EBF2: variants seen among roughly 807,000 people sequenced by gnomAD.
The protein encoded by EBF2 is EBF transcription factor 2, also known as transcription factor COE2.
EBF2 carries 21 observed loss-of-function variants against 72.8 expected under a neutral mutation model. The ratio of observed to expected loss-of-function variants is 0.29; its 90% CI spans 0.20 to 0.42. EBF2 has a LOEUF of 0.42. EBF2 is among the 10% of genes least tolerant of loss of function. The pLI is 1.00. For synonymous variants in EBF2, 299 were observed against 274.2 expected, an observed-to-expected ratio of 1.09 and a Z score of -0.89; for missense variants, 637 against 731.2, an observed-to-expected ratio of 0.87 and a Z score of 1.49.
At chr8:26,035,654 GA>G (rs1210136623) in intron 5 of EBF2, among the ~76,000 whole-genome samples, 1 of 152,208 alleles carries the variant, frequency 6.6e-6, no homozygotes, top group African/African-American at 2.4e-5. Flanking sequence ...TGGGCACAAT[GA>G]GGTTTTAAGA....
chr8:25,963,477 A>C (rs1401384166), intron 6 of EBF2, among the ~76,000 whole-genome samples: 1 of 152,216 alleles, frequency 6.6e-6, no homozygotes, highest in African/African-American at 2.4e-5. Flanking sequence ...TTTTTGCAAC[A>C]AAGCCCCGGT....
intron 10 of EBF2, among the ~76,000 whole-genome samples, chr8:25,863,046 T>G (rs1159839577): frequency 6.9e-6 from 1 of 144,730 alleles, no homozygotes; most frequent in African/African-American, 2.6e-5. Context: ...ATACATAAAC[T>G]TCTCTGCTAT....
intron 6 of EBF2, among the ~76,000 whole-genome samples, chr8:26,012,913 T>C (rs527489953): frequency 6.6e-6 from 1 of 152,344 alleles, no homozygotes; most frequent in Non-Finnish European, 1.5e-5. Flanking sequence ...TACTAGGTGT[T>C]AGGCATTATT....
At chr8:26,003,337 A>G (rs938257231) in intron 6 of EBF2, among the ~76,000 whole-genome samples, 1 of 152,114 alleles carries the variant, frequency 6.6e-6, no homozygotes, top group Non-Finnish European at 1.5e-5. Flanking sequence ...CATCATTGCT[A>G]CTAGATTATT....
chr8:25,916,186 T>C (rs1803211178), intron 6 of EBF2, among the ~76,000 whole-genome samples: 1 of 150,440 alleles, frequency 6.6e-6, no homozygotes, highest in African/African-American at 2.5e-5. Flanking sequence ...CTTGGGAGGC[T>C]GAGACACGAG....
At chr8:26,016,765 C>A (rs1309632423) in intron 6 of EBF2, among the ~76,000 whole-genome samples, 2 of 152,090 alleles carry the variant, frequency 1.3e-5, no homozygotes, top group African/African-American at 4.8e-5. Flanking sequence ...CTCACTCTCT[C>A]TTTAAGGAAT....
chr8:25,988,410 G>A (rs1037098295), intron 6 of EBF2, among the ~76,000 whole-genome samples: 1 of 152,130 alleles, frequency 6.6e-6, no homozygotes, highest in Non-Finnish European at 1.5e-5. Flanking sequence ...GTCCATATAC[G>A]CAAATATGAA....
At chr8:25,851,629 G>A (rs1189471127) in intron 14 of EBF2, among the ~76,000 whole-genome samples, 1 of 152,042 alleles carries the variant, frequency 6.6e-6, no homozygotes. Flanking sequence ...CTTAAATATA[G>A]CACCTTATAG....
At chr8:25,935,313 G>A (rs1165422760) in intron 6 of EBF2, among the ~76,000 whole-genome samples, 1 of 152,160 alleles carries the variant, frequency 6.6e-6, no homozygotes, top group Non-Finnish European at 1.5e-5. Flanking sequence ...TTAAATAGTG[G>A]TTAAATCTTT....
At position 25,961,175 on chromosome 8, in the gene EBF2, G is replaced by C. The variant is rs551675954; in HGVS notation, c.552-52620C>G. 2.3e-3 allele frequency among the ~76,000 whole-genome samples: 346 copies of C among 152,208 alleles called. 3 individuals carry two copies. Among genetic ancestry groups the C allele is most frequent in the African/African-American group, 8.0e-3 (331 of 41,512 alleles). The stretch of plus-strand genomic sequence containing the variant: ...AAAAGACAGTGTGTGAAACAAGCTA[G>C]AATGATATAGTACATATCATTTATA... On this transcript the variant is annotated intron_variant, in intron 6 of 15. Coordinates refer to ENST00000520164, the MANE Select transcript of EBF2 (RefSeq NM_022659.4).
chr8:25,991,782 GT>G (rs770046621), intron 6 of EBF2, among the ~76,000 whole-genome samples: 10 of 152,020 alleles, frequency 6.6e-5, no homozygotes, highest in Non-Finnish European at 1.2e-4. Context: ...GGAGGCAGAG[GT>G]TGTAGTGAGC....
At chr8:25,967,649 A>T (rs1585210879) in intron 6 of EBF2, among the ~76,000 whole-genome samples, 1 of 152,208 alleles carries the variant, frequency 6.6e-6, no homozygotes, top group East Asian at 1.9e-4. Flanking sequence ...AAATCAAAAG[A>T]TCATAAATCT....
chr8:26,005,553 T>TA (rs1381800595), intron 6 of EBF2, among the ~76,000 whole-genome samples: 1 of 25,166 alleles, frequency 4.0e-5, no homozygotes, highest in East Asian at 9.1e-4. Flanking sequence ...TATATATATA[T>TA]ATATATATAG....
rs1805587942 is a variant in EBF2, at chr8:26,040,864, C to CATGG, written c.352+71_352+74dup. The CATGG allele has an allele frequency of 1.9e-6, 3 of 1,596,884 alleles. No individual in the cohort carries two copies. In the Admixed American group the frequency reaches 5.1e-5, roughly 27 times the overall value. ...GCTCCATGCGATCCCTGAGAGTGAT[C>CATGG]ATGGCAAGGTCAGCGCGTGCGGCCC... On this transcript the variant is annotated intron_variant, in intron 3 of 15. Coordinates refer to ENST00000520164, the MANE Select transcript of EBF2 (RefSeq NM_022659.4).
At chr8:25,955,688 G>A (rs1401139152) in intron 6 of EBF2, among the ~76,000 whole-genome samples, 2 of 152,178 alleles carry the variant, frequency 1.3e-5, no homozygotes, top group Non-Finnish European at 2.9e-5. Context: ...GGAGTCATAT[G>A]TTTATGCTCC....
In EBF2 at chr8:25,895,923, ATGTGTG is replaced by A. The variant is rs71868613; in HGVS notation, c.634-6060_634-6055del. 3.6e-3 allele frequency among the ~76,000 whole-genome samples: 532 copies of A among 149,482 alleles called. 4 individuals carry two copies. Among genetic ancestry groups the A allele is most frequent in the African/African-American group, 0.011 (432 of 40,910 alleles). Reference sequence around the variant, plus strand: ...TGGCTTTTTGGAACACCGTGTGTGTATGTGTGTGTGTGTGTGTGTGTGTGTGTGTGT... The same window carrying A: ...TGGCTTTTTGGAACACCGTGTGTGTATGTGTGTGTGTGTGTGTGTGTGTGT... On this transcript the variant is annotated intron_variant, in intron 7 of 15. Coordinates refer to ENST00000520164, the MANE Select transcript of EBF2 (RefSeq NM_022659.4).
At chr8:25,897,779 T>C (rs1425807309) in intron 7 of EBF2, among the ~76,000 whole-genome samples, 1 of 152,244 alleles carries the variant, frequency 6.6e-6, no homozygotes, top group East Asian at 1.9e-4. Flanking sequence ...GCATCTAGGT[T>C]GATTCCATGT....
At chr8:25,851,791 G>C (rs954960614) in intron 14 of EBF2, among the ~76,000 whole-genome samples, 1 of 152,184 alleles carries the variant, frequency 6.6e-6, no homozygotes, top group Admixed American at 6.5e-5. Flanking sequence ...GTCCTTCAAA[G>C]TAAATTCGAA....
At chr8:25,889,164 G>A (rs1261900014) in intron 8 of EBF2, among the ~76,000 whole-genome samples, 1 of 152,168 alleles carries the variant, frequency 6.6e-6, no homozygotes, top group Non-Finnish European at 1.5e-5. Flanking sequence ...GAGTTGGGGA[G>A]TGCAGACAGA....
Sources: allele counts gnomAD v4.1 joint callset (sites outside exome capture counted in the v4.1 genomes callset), GRCh38; gene constraint gnomAD v4.1.1; transcripts MANE v1.5; gene names NCBI Gene and HGNC (gene_info 2026-07-23, HGNC 2026-07-21).